The following LMO2 variants were observed in gnomAD, a reference collection of about 807,000 sequenced individuals.
LMO2 encodes LIM domain only 2.
Under a neutral mutation model 23.2 loss-of-function variants are expected in LMO2, and 20 were observed. The ratio of observed to expected loss-of-function variants is 0.86; its 90% CI spans 0.61 to 1.25. LMO2 has a LOEUF of 1.25. Ranked by LOEUF, LMO2 falls within the 50% of genes most tolerant of loss-of-function variation. The pLI, the probability that LMO2 is intolerant of heterozygous loss-of-function variation, is 0.00. For synonymous variants in LMO2, 123 were observed against 130.2 expected (o/e 0.94, Z 0.38); for missense variants, 270 against 315.3 (o/e 0.86, Z 1.09).
chr11:33,887,142 G>A (rs1021896668), intron 1 of LMO2, among the ~76,000 whole-genome samples: 2 of 152,242 alleles, frequency 1.3e-5, no homozygotes, highest in African/African-American at 4.8e-5. Context: ...TATGGATGAG[G>A]GGCCCATAGG....
chr11:33,877,461 C>CTT (rs398015741), intron 2 of LMO2, among the ~76,000 whole-genome samples: 19,352 of 104,318 alleles, frequency 0.19, 2,707 homozygotes, highest in South Asian at 0.33. Context: ...TCTCCAGATT[C>CTT]TTTTTTTTTT....
At chr11:33,884,556 T>C (rs537694552) in intron 1 of LMO2, among the ~76,000 whole-genome samples, 2 of 152,338 alleles carry the variant, frequency 1.3e-5, no homozygotes, top group Admixed American at 1.3e-4. Flanking sequence ...AAAGAGCTAA[T>C]ATACTTGTAT....
chr11:33,886,402 G>A lies in LMO2; in HGVS notation c.-335-4515C>T, dbSNP rs115525133. Among the ~76,000 whole-genome samples, 786 of 152,288 alleles carry A rather than the reference G, an allele frequency of 5.2e-3. 8 individuals are homozygous for A. Among genetic ancestry groups the A allele is most frequent in the African/African-American group, 0.017 (695 of 41,538 alleles). The stretch of plus-strand genomic sequence containing the variant: ...GACCACATTCCTTTTTGTTTGTCCT[G>A]ATGGCTTCTCAGGATGATGTGATAT... On this transcript the variant is annotated intron_variant, in intron 1 of 5. Coordinates refer to ENST00000257818, the MANE Select transcript of LMO2 (RefSeq NM_005574.4).
At chr11:33,875,247 T>C (rs1202158135) in intron 2 of LMO2, among the ~76,000 whole-genome samples, 2 of 152,194 alleles carry the variant, frequency 1.3e-5, no homozygotes, top group Non-Finnish European at 2.9e-5. Flanking sequence ...TCACCTTCTA[T>C]GGAAAATTTT....
rs945916481 is a variant in LMO2 at position 33,864,317 on chromosome 11, A to G, written c.464+285T>C. 1.3e-5 allele frequency among the ~76,000 whole-genome samples: 2 copies of G among 152,144 alleles called. No individual in the cohort carries two copies. Among genetic ancestry groups the G allele is most frequent in the African/African-American group, 4.8e-5 (2 of 41,410 alleles). ...CATCCCCTAGCTTCTCCCGCTCCCC[A>G]AGGGAAGCACTTTTCTGAATTTTGG... On this transcript the variant is annotated intron_variant, in intron 5 of 5. Transcript: ENST00000257818. This position sits in a 1 kb window ranked among gnomAD's most constrained non-coding sequence, Gnocchi z 4.8.
rs1856722810 is a variant in LMO2, at chr11:33,864,853, C to T, written c.249-36G>A. 2 of 1,588,434 alleles carry T rather than the reference C, an allele frequency of 1.3e-6. No individual in the cohort carries two copies. The highest frequency in any genetic ancestry group is 1.7e-6 in the Non-Finnish European group (2 of 1,159,996). Reference sequence around the variant, plus strand: ...GGCCAAGCATCAGGGACAGCCTCACCAGAGTGAGACCAGCACCGAGGGTCC... The same window carrying T: ...GGCCAAGCATCAGGGACAGCCTCACTAGAGTGAGACCAGCACCGAGGGTCC... On this transcript the variant is annotated intron_variant, in intron 4 of 5. Transcript: ENST00000257818. This position sits in a 1 kb window ranked among gnomAD's most constrained non-coding sequence, Gnocchi z 4.8.
At chr11:33,885,686 T>G (rs7936114) in intron 1 of LMO2, among the ~76,000 whole-genome samples, 88,324 of 152,088 alleles carry the variant, frequency 0.58, 26,330 homozygotes, top group African/African-American at 0.71. Context: ...TGGTGGCCTG[T>G]GTGGTGGCCA....
At chr11:33,868,561 A>G (rs1856871010) in intron 4 of LMO2, among the ~76,000 whole-genome samples, 1 of 152,234 alleles carries the variant, frequency 6.6e-6, no homozygotes, top group Non-Finnish European at 1.5e-5. Flanking sequence ...ATTCCAAACC[A>G]GTACGCGGCT....
At chr11:33,885,769 G>T (rs1160333885) in intron 1 of LMO2, among the ~76,000 whole-genome samples, 1 of 152,212 alleles carries the variant, frequency 6.6e-6, no homozygotes, top group Non-Finnish European at 1.5e-5. Context: ...CAGCAAGGGG[G>T]TCCCTTGGTA....
chr11:33,864,479 A>C lies in LMO2; in HGVS notation c.464+123T>G. 2.8e-6 allele frequency: 2 copies of C among 717,794 alleles called. No individual in the cohort carries two copies. Among genetic ancestry groups the C allele is most frequent in the South Asian group, 1.8e-5 (1 of 54,564 alleles). The allele number at this position is 717,794 out of a possible 1,614,324, so 44.5% of individuals were successfully genotyped here. A position where few individuals can be genotyped will look rare whatever the true frequency, so the allele number is the denominator to read the frequency against. On this transcript the variant is annotated intron_variant, in intron 5 of 5. Transcript: ENST00000257818. The surrounding 1 kb of genome is among the most constrained non-coding windows in gnomAD (Gnocchi z 4.8). ...GCTGAGACTCAGCCTCTGCAGTCTG[A>C]CCTCTTTCTATAGGTGGTGTCCGAG... is the stretch of plus-strand genomic sequence containing the variant.
chr11:33,859,391 T>G lies in LMO2; in HGVS notation c.649A>C (p.Ile217Leu), dbSNP rs1856481897. The change falls in exon 6 of 6, where the codon ATC (isoleucine) becomes CTC (leucine). Residue 217 changes from isoleucine to leucine, a missense_variant. Around this residue, in one of 2 missense-constraint regions of LMO2, gnomAD observed 100 missense variants for 153.3 expected, o/e 0.65. Transcript: ENST00000257818. ...CCATTGATCTTAGTCCACTCGTAGA[T>G]GTCCTGTTCGCACACTATGTCAGAG... ...INSDIVCEQD[I>L]YEWTKINGMI The G allele has an allele frequency of 1.2e-6, 2 of 1,614,014 alleles. No individual in the cohort carries two copies. The highest frequency in any genetic ancestry group is 2.2e-5 in the South Asian group (2 of 91,092).
chr11:33,887,688 C>T (rs1372925415), intron 1 of LMO2, among the ~76,000 whole-genome samples: 1 of 152,008 alleles, frequency 6.6e-6, no homozygotes, highest in Non-Finnish European at 1.5e-5. Flanking sequence ...GTGTGTGCCA[C>T]CACGCTTGGC....
chr11:33,891,675 C>A (rs1857558150), intron 1 of LMO2, 120 bp downstream of exon 1: 1 of 152,302 alleles, frequency 6.6e-6, no homozygotes, highest in Admixed American at 6.5e-5. Flanking sequence ...GACTTGTACC[C>A]CTTTGGAGTC....
intron 2 of LMO2, chr11:33,870,923 G>A (rs777415529): frequency 6.5e-5 from 22 of 338,314 alleles, no homozygotes; most frequent in Non-Finnish European, 8.8e-5. Flanking sequence ...TTGCCCTTCC[G>A]TGGAGAAAAA....
At chr11:33,884,495 A>G (rs959904411) in intron 1 of LMO2, among the ~76,000 whole-genome samples, 1 of 152,140 alleles carries the variant, frequency 6.6e-6, no homozygotes, top group African/African-American at 2.4e-5. Flanking sequence ...AACTTTTTGC[A>G]CTCAACTCAA....
chr11:33,872,911 G>A (rs1421010698), intron 2 of LMO2, among the ~76,000 whole-genome samples: 3 of 152,000 alleles, frequency 2.0e-5, no homozygotes, highest in Non-Finnish European at 2.9e-5. Context: ...ACAGGCGCTC[G>A]CCACCACGCC....
chr11:33,863,773 T>C (rs3781575), intron 5 of LMO2, among the ~76,000 whole-genome samples: 35,415 of 152,120 alleles, frequency 0.23, 4,909 homozygotes, highest in African/African-American at 0.38. Flanking sequence ...TCTTACTTGG[T>C]GTTGTCGAGT....
chr11:33,870,094 G>A, intron 2 of LMO2, 107 bp from the exon 3 acceptor site: 2 of 302,170 alleles, frequency 6.6e-6, no homozygotes, highest in Non-Finnish European at 9.6e-6. Flanking sequence ...TTTTTTAAAC[G>A]GGGCTCCTGG....
intron 4 of LMO2, among the ~76,000 whole-genome samples, chr11:33,867,271 G>T (rs556246149): frequency 2.6e-5 from 4 of 152,050 alleles, no homozygotes; most frequent in South Asian, 2.1e-4. Flanking sequence ...GATGCTGATT[G>T]TAATGACCCA....
Sources: gnomAD v4.1 joint callset for allele counts (sites outside exome capture counted in the v4.1 genomes callset) on GRCh38, gnomAD v4.1.1 for gene constraint, gnomAD v4.1.1 regional missense constraint, Gnocchi (gnomAD v3.1) non-coding constraint, MANE v1.5 for transcripts, NCBI Gene and HGNC (gene_info 2026-07-23, HGNC 2026-07-21) for gene names.